The following CCNY variants were observed in gnomAD, a reference collection of about 807,000 sequenced individuals.
The protein encoded by CCNY is cyclin-Y.
Under a neutral mutation model 42.8 loss-of-function variants are expected in CCNY, and 19 were observed. The observed-to-expected ratio is 0.44, with a 90% CI of 0.31 to 0.65. The LOEUF (loss-of-function observed/expected upper bound fraction) is 0.65. Ranked by LOEUF, CCNY falls within the 30% of genes least tolerant of loss-of-function variation. The probability of loss-of-function intolerance (pLI) is 0.07; values close to 1 mark genes in which losing one functional copy is unlikely to be tolerated. For missense variants in CCNY, 370 were observed against 437.3 expected, an observed-to-expected ratio of 0.85 and a Z score of 1.37; for synonymous variants, 165 against 162.7, an observed-to-expected ratio of 1.01 and a Z score of -0.11.
In CCNY at chr10:35,491,859, C is replaced by T. The variant is rs568638589; in HGVS notation, c.229+8381C>T. Among the ~76,000 whole-genome samples, 226 of 151,872 alleles carry T rather than the reference C, an allele frequency of 1.5e-3. 6 individuals are homozygous for T. In the South Asian group the frequency reaches 0.035, roughly 24 times the overall value. On this transcript the variant is annotated intron_variant, in intron 2 of 9. Transcript: ENST00000374704. ...CGATCTCCTGACCTCGTGATCCCAC[C>T]CGCCTCGGCCCTCCAAAGTGCTGGG...
chr10:35,301,209 A>T (rs1274086298), intron 3 of CCNY, among the ~76,000 whole-genome samples: 1 of 152,220 alleles, frequency 6.6e-6, no homozygotes, highest in Admixed American at 6.5e-5. Context: ...ACTACAACAT[A>T]TATTAGCTTT....
At chr10:35,262,741 A>G (rs1589005217) in intron 3 of CCNY, among the ~76,000 whole-genome samples, 1 of 152,166 alleles carries the variant, frequency 6.6e-6, no homozygotes, top group African/African-American at 2.4e-5. Context: ...TTATCCTGGT[A>G]TTGACTTTCC....
chr10:35,307,693 C>T (rs947922809), intron 3 of CCNY, among the ~76,000 whole-genome samples: 1 of 146,372 alleles, frequency 6.8e-6, no homozygotes, highest in Admixed American at 6.9e-5. Context: ...TGTATATCTA[C>T]ACGTGTATAT....
intron 3 of CCNY, among the ~76,000 whole-genome samples, chr10:35,271,278 G>T (rs1399054634): frequency 2.6e-5 from 4 of 152,156 alleles, no homozygotes; most frequent in African/African-American, 7.2e-5. Flanking sequence ...CCAGGAATCA[G>T]CTCCAGGACA....
chr10:35,426,938 G>A (rs1176058847), intron 1 of CCNY, among the ~76,000 whole-genome samples: 2 of 152,224 alleles, frequency 1.3e-5, no homozygotes, highest in Non-Finnish European at 2.9e-5. Context: ...ATGAGAAGAA[G>A]CCTTTGTGCC....
At chr10:35,557,988 T>G (rs920912836) in intron 8 of CCNY, among the ~76,000 whole-genome samples, 1 of 152,154 alleles carries the variant, frequency 6.6e-6, no homozygotes, top group Non-Finnish European at 1.5e-5. Flanking sequence ...TTGAGGAGTT[T>G]TATTATAGTA....
intron 1 of CCNY, among the ~76,000 whole-genome samples, chr10:35,398,704 A>G (rs1564396060): frequency 6.6e-6 from 1 of 152,204 alleles, no homozygotes; most frequent in African/African-American, 2.4e-5. Flanking sequence ...GTTTTTGTCT[A>G]AAAACAAAAC....
chr10:35,480,465 G>A (rs1384831898), intron 1 of CCNY, among the ~76,000 whole-genome samples: 1 of 152,120 alleles, frequency 6.6e-6, no homozygotes, highest in Non-Finnish European at 1.5e-5. Context: ...GTGCCTCTGA[G>A]CTGGTCAGTT....
intron 1 of CCNY, among the ~76,000 whole-genome samples, chr10:35,362,732 C>G (rs1480311987): frequency 1.3e-5 from 2 of 152,202 alleles, no homozygotes; most frequent in South Asian, 2.1e-4. Flanking sequence ...TCCTCACTTC[C>G]CAGACGGGGC....
intron 1 of CCNY, among the ~76,000 whole-genome samples, chr10:35,467,924 CAG>C (rs2135340514): frequency 6.6e-6 from 1 of 152,360 alleles, no homozygotes; most frequent in African/African-American, 2.4e-5. Flanking sequence ...GTGATTTCCT[CAG>C]ATCTGTTTTT....
At chr10:35,539,921 G>A (rs189015063) in intron 7 of CCNY, among the ~76,000 whole-genome samples, 120 of 152,214 alleles carry the variant, frequency 7.9e-4, no homozygotes, top group Non-Finnish European at 1.3e-3. Context: ...TTTATAGATT[G>A]ATCTTGTACC....
At chr10:35,508,903 C>T (rs542621786) in intron 3 of CCNY, among the ~76,000 whole-genome samples, 6 of 152,288 alleles carry the variant, frequency 3.9e-5, no homozygotes, top group Admixed American at 1.3e-4. Context: ...CATTAGCAGT[C>T]ATTCCTACTC....
chr10:35,273,662 C>T (rs1195127150), intron 3 of CCNY, among the ~76,000 whole-genome samples: 3 of 152,064 alleles, frequency 2.0e-5, no homozygotes, highest in African/African-American at 4.8e-5. Flanking sequence ...ATAAGCGTCT[C>T]TGCCCACAGG....
chr10:35,413,179 T>C (rs972075021), intron 1 of CCNY, among the ~76,000 whole-genome samples: 18 of 151,926 alleles, frequency 1.2e-4, no homozygotes, highest in African/African-American at 4.4e-4. Flanking sequence ...AAGACTAGAA[T>C]CGGGGAGATG....
chr10:35,311,681 C>A (rs1835685127), intron 3 of CCNY, among the ~76,000 whole-genome samples: 1 of 147,688 alleles, frequency 6.8e-6, no homozygotes, highest in Non-Finnish European at 1.5e-5. Context: ...CCGTCCCCCC[C>A]ACCCCCCCAA....
chr10:35,490,968 T>G (rs1387459728), intron 2 of CCNY, among the ~76,000 whole-genome samples: 1 of 152,232 alleles, frequency 6.6e-6, no homozygotes, highest in African/African-American at 2.4e-5. Context: ...CCTAAGTTAC[T>G]TGTGACAGAC....
chr10:35,517,265 G>A (rs1301191724), intron 4 of CCNY, among the ~76,000 whole-genome samples: 2 of 152,112 alleles, frequency 1.3e-5, no homozygotes, highest in African/African-American at 4.8e-5. Flanking sequence ...TTCAGTTTCC[G>A]TACTTTAAAG....
intron 3 of CCNY, among the ~76,000 whole-genome samples, chr10:35,323,728 T>C: frequency 6.6e-6 from 1 of 151,870 alleles, no homozygotes; most frequent in East Asian, 1.9e-4. Flanking sequence ...TCAAAACTCA[T>C]CAAACTGTGG....
intron 8 of CCNY, among the ~76,000 whole-genome samples, chr10:35,563,723 T>G (rs917616956): frequency 2.6e-5 from 4 of 152,186 alleles, no homozygotes; most frequent in Non-Finnish European, 5.9e-5. Flanking sequence ...TATTTATTTT[T>G]GGGACAGAGT....
Sources: allele counts gnomAD v4.1 joint callset (sites outside exome capture counted in the v4.1 genomes callset), GRCh38; gene constraint gnomAD v4.1.1; transcripts MANE v1.5; gene names NCBI Gene and HGNC (gene_info 2026-07-23, HGNC 2026-07-21).